Variants in RABGGTB observed in about 807,000 individuals in gnomAD.
RABGGTB encodes the protein Rab geranylgeranyltransferase subunit beta, also known as geranylgeranyl transferase type-2 subunit beta.
Under a neutral mutation model 44.5 loss-of-function variants are expected in RABGGTB, and 20 were observed. That is an observed-to-expected ratio of 0.45 (90% CI 0.32 to 0.65). The LOEUF is 0.65. Ranked by LOEUF, RABGGTB falls within the 30% of genes least tolerant of loss-of-function variation. The pLI, the probability that RABGGTB is intolerant of heterozygous loss-of-function variation, is 0.05. For synonymous variants in RABGGTB, 128 were observed against 136.7 expected (o/e 0.94, Z 0.44); for missense variants, 302 against 398.7 (o/e 0.76, Z 2.06).
At chr1:75,791,718 C>T (rs1278075981) in intron 6 of RABGGTB, 147 bp downstream of exon 6, 1 of 681,942 alleles carries the variant, frequency 1.5e-6, no homozygotes, top group African/African-American at 1.8e-5. Context: ...TGCTTAATTG[C>T]TATCATTACT....
intron 7 of RABGGTB, chr1:75,793,455 C>T (rs1352327826): frequency 5.9e-5 from 9 of 152,216 alleles, no homozygotes. Flanking sequence ...GAAACACCCG[C>T]AGTAGCTGTC....
chr1:75,793,966 TG>T, intron 7 of RABGGTB, 117 bp from the exon 8 acceptor site: 2 of 1,142,504 alleles, frequency 1.8e-6, no homozygotes, highest in Non-Finnish European at 2.5e-6. Flanking sequence ...TCCTTCCACA[TG>T]GTTTGACACT....
chr1:75,790,500 C>A (rs1298084338), intron 4 of RABGGTB: 15 of 1,017,834 alleles, frequency 1.5e-5, no homozygotes, highest in Non-Finnish European at 1.8e-5. Flanking sequence ...TGTGAAAAAT[C>A]TACTTTTATA....
At chr1:75,786,406 T>A in intron 1 of RABGGTB, 132 bp downstream of exon 1, 2 of 1,311,098 alleles carry the variant, frequency 1.5e-6, no homozygotes, top group Non-Finnish European at 2.2e-6. Context: ...CCTTGGAAGG[T>A]TTTTTGAGTG....
rs550525504 is a variant in RABGGTB, at chr1:75,787,082, G to A, written c.4-415G>A. On this transcript the variant is annotated intron_variant, in intron 1 of 8. Transcript: ENST00000319942. ...GGTGGTAATTTTTTGGGTCAATGAT[G>A]AGTTGGCATGTATTCTGAATCTAAA... 78 of 523,396 alleles carry A rather than the reference G, an allele frequency of 1.5e-4. No homozygotes were observed. In the Admixed American group the frequency reaches 1.5e-3, roughly 10 times the overall value. 32.4% of individuals were successfully genotyped at this position (523,396 alleles called of 1,614,324 possible).
Position 75,791,270 on chromosome 1 carries a change from C to A in RABGGTB, c.416-15C>A. The A allele has an allele frequency of 6.2e-7, 1 of 1,601,286 alleles. No homozygotes were observed. ...TTGGTAACACCTGCCTTGATTTGAT[C>A]TATTTTTATTGTAGGAGAAATTGAC... On this transcript the variant is annotated splice_polypyrimidine_tract_variant and intron_variant, in intron 4 of 8. Coordinates refer to ENST00000319942, the MANE Select transcript of RABGGTB (RefSeq NM_004582.4).
intron 7 of RABGGTB, chr1:75,793,880 C>G (rs1049818803): frequency 4.0e-6 from 2 of 495,004 alleles, no homozygotes. Context: ...TTGGTCTCTT[C>G]TTACCCATTA....
Position 75,794,206 on chromosome 1 carries a change from G to A in RABGGTB, c.828G>A (p.Gly276=), listed in dbSNP as rs777687756. ...TAGCATGTCAAGATGAAGAAACGGG[G>A]GGATTTGCAGACAGGCCAGGAGATA... ...FILACQDEET[G]GFADRPGDMV... Residue 276 remains glycine, a synonymous_variant, in exon 8 of 9, where the codon GGG becomes GGA. Transcript: ENST00000319942. 1.9e-6 allele frequency: 3 copies of A among 1,613,282 alleles called. No individual in the cohort carries two copies. The highest frequency in any genetic ancestry group is 1.7e-6 in the Non-Finnish European group (2 of 1,179,486).
chr1:75,787,479 A>G lies in RABGGTB; in HGVS notation c.4-18A>G, dbSNP rs1453563810. Reference sequence around the variant, plus strand: ...TGTAGAGGTAAACATTGATGAGATTACCACTTTATTTTGAAAGGGCACTCC... The same window carrying G: ...TGTAGAGGTAAACATTGATGAGATTGCCACTTTATTTTGAAAGGGCACTCC... On this transcript the variant is annotated intron_variant, in intron 1 of 8. Coordinates refer to ENST00000319942, the MANE Select transcript of RABGGTB (RefSeq NM_004582.4). The G allele has an allele frequency of 5.7e-6, 9 of 1,576,064 alleles. No individual in the cohort carries two copies. Among genetic ancestry groups the G allele is most frequent in the African/African-American group, 4.0e-5 (3 of 74,114 alleles).
At chr1:75,788,517 C>T (rs1649557745) in intron 2 of RABGGTB, 2 of 154,032 alleles carry the variant, frequency 1.3e-5, no homozygotes, top group South Asian at 4.0e-4. Context: ...TCTCAAACTC[C>T]TGACCTCAAG....
At chr1:75,788,670 A>G (rs901100303) in intron 2 of RABGGTB, 1 of 156,658 alleles carries the variant, frequency 6.4e-6, no homozygotes, top group African/African-American at 2.4e-5. Context: ...TTCATGTATC[A>G]TTGATTAGCC....
chr1:75,794,895 C>T lies in RABGGTB; in HGVS notation c.*245C>T, dbSNP rs1649733512. ...TGTATACTTCTGTGTCTGTTATGTTCAATAACTGAGCTAACATAAAATAAC... is the reference window on the plus strand; with the variant it reads ...TGTATACTTCTGTGTCTGTTATGTTTAATAACTGAGCTAACATAAAATAAC... On this transcript the variant is annotated 3_prime_UTR_variant, in exon 9 of 9. Coordinates refer to ENST00000319942, the MANE Select transcript of RABGGTB (RefSeq NM_004582.4). 1 of 210,120 alleles carries T rather than the reference C, an allele frequency of 4.8e-6. No homozygotes were observed. Among genetic ancestry groups the T allele is most frequent in the African/African-American group, 2.3e-5 (1 of 42,688 alleles). 13.0% of individuals were successfully genotyped at this position (210,120 alleles called of 1,614,324 possible). A position where few individuals can be genotyped will look rare whatever the true frequency, so the allele number is the denominator to read the frequency against.
In RABGGTB at chr1:75,789,448, GT is replaced by G. The variant is rs763276691; in HGVS notation, c.309+96del. ...AACTGTATCAGGATTTGGTCAAAAAGTTTTGTTACAAGTGAAGCTGTCCTAC... is the reference window on the plus strand; with the variant it reads ...AACTGTATCAGGATTTGGTCAAAAAGTTTGTTACAAGTGAAGCTGTCCTAC... On this transcript the variant is annotated intron_variant, in intron 3 of 8. Coordinates refer to ENST00000319942, the MANE Select transcript of RABGGTB (RefSeq NM_004582.4). 6.0e-6 allele frequency: 8 copies of G among 1,335,922 alleles called. No individual in the cohort carries two copies. In the African/African-American group the frequency reaches 1.0e-4, roughly 17 times the overall value. 82.8% of individuals were successfully genotyped at this position (1,335,922 alleles called of 1,614,324 possible). A position where few individuals can be genotyped will look rare whatever the true frequency, so the allele number is the denominator to read the frequency against.
chr1:75,786,299 T>C, intron 1 of RABGGTB, 25 bp downstream of exon 1: 2 of 1,614,084 alleles, frequency 1.2e-6, no homozygotes, highest in South Asian at 2.2e-5. Context: ...AGCGCTGCTG[T>C]CCGGATGGGT....
chr1:75,786,734 A>T (rs995191510), intron 1 of RABGGTB: 2 of 279,664 alleles, frequency 7.2e-6, no homozygotes, highest in Non-Finnish European at 1.4e-5. Context: ...GAAGATATAG[A>T]TACGAAAAGA....
intron 4 of RABGGTB, chr1:75,790,303 G>C (rs1398777862): frequency 8.1e-7 from 1 of 1,231,578 alleles, no homozygotes; most frequent in East Asian, 3.2e-5. Context: ...CCCAATATTT[G>C]GTGGCTTTGT....
Position 75,794,627 on chromosome 1 carries a change from G to C in RABGGTB, c.973G>C (p.Val325Leu). 1 of 1,610,782 alleles carries C rather than the reference G, an allele frequency of 6.2e-7. No individual in the cohort carries two copies. The highest frequency in any genetic ancestry group is 1.7e-5 in the Admixed American group (1 of 59,698). The change falls in exon 9 of 9, where the codon GTT becomes CTT. Residue 325 changes from valine (V) to leucine (L), a missense_variant. Physicochemically the swap from Val to Leu is conservative, Grantham distance 32. Coordinates refer to ENST00000319942, the MANE Select transcript of RABGGTB (RefSeq NM_004582.4). ...MPEEVLQRVN[V>L]QPELVS ...TGAAGAAGTGCTTCAGAGAGTGAAT[G>C]TTCAGCCTGAGCTAGTGAGCTAGAT...
intron 4 of RABGGTB, 161 bp downstream of exon 4, chr1:75,790,218 A>T: frequency 1.4e-6 from 2 of 1,431,024 alleles, no homozygotes; most frequent in Admixed American, 2.9e-5. Flanking sequence ...GCACTGTGGT[A>T]GTTATATCAG....
intron 4 of RABGGTB, chr1:75,790,566 AGTTTTCTTCTCTTTG>A (rs916654027): frequency 2.8e-5 from 22 of 796,006 alleles, no homozygotes; most frequent in Non-Finnish European, 3.3e-5. Flanking sequence ...GGGTTCTATT[AGTTTTCTTCTCTTTG>A]GTTTTCTTCT....
Sources: allele counts gnomAD v4.1 joint callset, GRCh38; gene constraint gnomAD v4.1.1; transcripts MANE v1.5; gene names NCBI Gene and HGNC (gene_info 2026-07-23, HGNC 2026-07-21).